ANKHD1: variants seen among roughly 807,000 people sequenced by gnomAD.
ANKHD1 encodes ankyrin repeat and KH domain containing 1, also known as ankyrin repeat and KH domain-containing protein 1.
A neutral mutation model predicts 230.5 loss-of-function variants in ANKHD1; 31 were observed. The ratio of observed to expected loss-of-function variants is 0.13; its 90% CI spans 0.10 to 0.18. The LOEUF is 0.18. Ranked by LOEUF, ANKHD1 falls within the 10% of genes least tolerant of loss-of-function variation. The probability of loss-of-function intolerance (pLI) is 1.00; values close to 1 mark genes in which losing one functional copy is unlikely to be tolerated. For synonymous variants in ANKHD1, 1,074 were observed against 1,117.6 expected, an observed-to-expected ratio of 0.96 and a Z score of 0.78; for missense variants, 2,256 against 3,071.3, an observed-to-expected ratio of 0.73 and a Z score of 6.27.
At chr5:140,523,967 A>T in intron 24 of ANKHD1, 99 bp from the exon 25 acceptor site, 1 of 1,398,508 alleles carries the variant, frequency 7.2e-7, no homozygotes, top group Non-Finnish European at 9.5e-7. Flanking sequence ...TTTGAGAGTA[A>T]CATCCATGGA....
intron 6 of ANKHD1, 148 bp downstream of exon 6, chr5:140,446,123 A>C (rs867385370): frequency 1.3e-6 from 1 of 772,654 alleles, no homozygotes; most frequent in Non-Finnish European, 1.8e-6. Context: ...TAGAAAGTCT[A>C]TTTTAGTCTA....
chr5:140,520,165 A>G (rs1186832674), intron 24 of ANKHD1, among the ~76,000 whole-genome samples: 5 of 152,124 alleles, frequency 3.3e-5, no homozygotes, highest in Non-Finnish European at 5.9e-5. Flanking sequence ...GCAGCCAAAA[A>G]ACACATGAAA....
intron 11 of ANKHD1, among the ~76,000 whole-genome samples, chr5:140,483,255 G>A (rs1751364046): frequency 6.6e-6 from 1 of 152,050 alleles, no homozygotes; most frequent in Non-Finnish European, 1.5e-5. Flanking sequence ...AATGTCAGCA[G>A]TTTCATTTGG....
intron 14 of ANKHD1, among the ~76,000 whole-genome samples, chr5:140,488,066 A>T (rs1581327453): frequency 6.6e-6 from 1 of 152,204 alleles, no homozygotes; most frequent in Non-Finnish European, 1.5e-5. Flanking sequence ...GCAGTTTTTC[A>T]TGGAACACCT....
chr5:140,442,201 G>A (rs1034440834), intron 5 of ANKHD1, among the ~76,000 whole-genome samples: 11 of 151,544 alleles, frequency 7.3e-5, no homozygotes, highest in Admixed American at 4.6e-4. Context: ...CACCACTCCC[G>A]GCTAATTTTT....
At chr5:140,493,463 C>T (rs1347956872) in intron 14 of ANKHD1, among the ~76,000 whole-genome samples, 2 of 152,058 alleles carry the variant, frequency 1.3e-5, no homozygotes, top group Non-Finnish European at 2.9e-5. Context: ...GGAGATAGAA[C>T]CCTTTTATTT....
chr5:140,456,747 A>G (rs1561750942), intron 7 of ANKHD1, among the ~76,000 whole-genome samples: 1 of 152,248 alleles, frequency 6.6e-6, no homozygotes, highest in Non-Finnish European at 1.5e-5. Context: ...CTAAAACCAT[A>G]AAAACCCTAG....
chr5:140,476,448 G>A (rs1295483130), intron 10 of ANKHD1, among the ~76,000 whole-genome samples: 1 of 151,960 alleles, frequency 6.6e-6, no homozygotes, highest in South Asian at 2.1e-4. Flanking sequence ...TGTCTTAAAA[G>A]CTATCAGAGG....
At chr5:140,523,486 T>A (rs1444426517) in intron 24 of ANKHD1, among the ~76,000 whole-genome samples, 4 of 151,884 alleles carry the variant, frequency 2.6e-5, no homozygotes, top group Non-Finnish European at 5.9e-5. Context: ...ATTTTTTTTT[T>A]ATATATTATA....
At chr5:140,512,597 T>C (rs1025950138) in intron 22 of ANKHD1, among the ~76,000 whole-genome samples, 2 of 152,168 alleles carry the variant, frequency 1.3e-5, no homozygotes, top group Non-Finnish European at 2.9e-5. Flanking sequence ...CACATTCTTG[T>C]CTTTTATGCC....
Position 140,529,578 on chromosome 5 carries a change from A to G in ANKHD1, c.6632A>G (p.Asn2211Ser), listed in dbSNP as rs775982490. 5 of 1,614,082 alleles carry G rather than the reference A, an allele frequency of 3.1e-6. No individual in the cohort carries two copies. The highest frequency in any genetic ancestry group is 2.2e-5 in the East Asian group (1 of 44,898). ...PPTFGPATLFNHFSSLFDSSQ... is the reference protein window; with the variant it reads ...PPTFGPATLFSHFSSLFDSSQ... The stretch of plus-strand genomic sequence containing the variant: ...ACATTTGGCCCAGCCACACTTTTCA[A>G]TCACTTCAGCAGTCTTTTTGATAGT... Residue 2211 changes from asparagine to serine, a missense_variant, in exon 29 of 34, where the codon AAT becomes AGT. By Grantham distance (46) the Asn-to-Ser change is conservative. Transcript: ENST00000360839.
Position 140,438,584 on chromosome 5 carries a change from C to T in ANKHD1, c.584C>T (p.Ala195Val), listed in dbSNP as rs1429563689. Residue 195 changes from alanine to valine, a missense_variant, in exon 3 of 34, where the codon GCA (alanine) becomes GTA (valine). Ala to Val is a moderately conservative substitution (Grantham distance 64). Transcript: ENST00000360839. ...EAAAALTRMK[A>V]ENSHNAGQVD... ...GCTGCTGCACTGACACGGATGAAAG[C>T]AGAAAACAGCCACAATGCAGGACAA... 2 of 1,609,492 alleles carry T rather than the reference C, an allele frequency of 1.2e-6. No individual in the cohort carries two copies. Among genetic ancestry groups the T allele is most frequent in the African/African-American group, 2.7e-5 (2 of 74,808 alleles).
intron 9 of ANKHD1, among the ~76,000 whole-genome samples, chr5:140,463,891 T>G (rs532959082): frequency 2.6e-5 from 4 of 152,092 alleles, no homozygotes; most frequent in African/African-American, 9.6e-5. Flanking sequence ...GGTCTCAAAC[T>G]CCTGTGCTCA....
At chr5:140,450,440 G>C (rs548746345) in intron 7 of ANKHD1, among the ~76,000 whole-genome samples, 4 of 151,630 alleles carry the variant, frequency 2.6e-5, no homozygotes, top group African/African-American at 4.8e-5. Flanking sequence ...AGTGATTCTC[G>C]TGCCTCAGCT....
Position 140,505,030 on chromosome 5 carries a change from A to G in ANKHD1, c.3150+64A>G, listed in dbSNP as rs1752483085. On this transcript the variant is annotated intron_variant, in intron 16 of 33. Transcript: ENST00000360839. Reference sequence around the variant, plus strand: ...CTGATCTTCTTTGGAAAGGAAAATTATTCTGCATTTATTGTGAAAAGAAAT... The same window carrying G: ...CTGATCTTCTTTGGAAAGGAAAATTGTTCTGCATTTATTGTGAAAAGAAAT... 9 of 1,605,850 alleles carry G rather than the reference A, an allele frequency of 5.6e-6. No individual in the cohort carries two copies. The Admixed American group carries it at 1.2e-4, about 21-fold the overall frequency.
intron 15 of ANKHD1, among the ~76,000 whole-genome samples, chr5:140,498,549 G>C (rs1752137420): frequency 6.6e-6 from 1 of 152,102 alleles, no homozygotes; most frequent in Admixed American, 6.5e-5. Flanking sequence ...TAGGCTCTTT[G>C]TTCTTTAATT....
At chr5:140,435,358 C>G (rs1462919032) in intron 1 of ANKHD1, among the ~76,000 whole-genome samples, 1 of 148,284 alleles carries the variant, frequency 6.7e-6, no homozygotes, top group Non-Finnish European at 1.5e-5. Flanking sequence ...TGTTCATGTA[C>G]TTGTTTCAAT....
intron 29 of ANKHD1, chr5:140,531,335 C>G (rs767312892): frequency 1.2e-5 from 5 of 414,098 alleles, no homozygotes; most frequent in Non-Finnish European, 2.4e-5. Flanking sequence ...AATCCCAGCA[C>G]TTTGGGAAGC....
chr5:140,507,804 A>G lies in ANKHD1; in HGVS notation c.3571A>G (p.Ile1191Val), dbSNP rs1430992884. ...INSRTGSKLGISPLMLAAMNG... is the reference protein window; with the variant it reads ...INSRTGSKLGVSPLMLAAMNG... ...CTTTAGGACTGGGAGTAAACTAGGTATTTCTCCCCTGATGTTGGCTGCAAT... is the reference window on the plus strand; with the variant it reads ...CTTTAGGACTGGGAGTAAACTAGGTGTTTCTCCCCTGATGTTGGCTGCAAT... The change falls in exon 20 of 34, where the codon ATT becomes GTT. Residue 1191 changes from isoleucine to valine, a missense_variant. By Grantham distance (29) the Ile-to-Val change is conservative. Coordinates refer to ENST00000360839, the MANE Select transcript of ANKHD1 (RefSeq NM_017747.3). The surrounding 1 kb of genome is among the most constrained non-coding windows in gnomAD (Gnocchi z 4.1). 3 of 1,614,084 alleles carry G rather than the reference A, an allele frequency of 1.9e-6. No homozygotes were observed. The Admixed American group carries it at 5.0e-5, about 27-fold the overall frequency.
Sources: allele counts gnomAD v4.1 joint callset (sites outside exome capture counted in the v4.1 genomes callset), GRCh38; gene constraint gnomAD v4.1.1; non-coding constraint Gnocchi (gnomAD v3.1); transcripts MANE v1.5; gene names NCBI Gene and HGNC (gene_info 2026-07-23, HGNC 2026-07-21).